Variants in GTF2H1 observed in about 807,000 individuals in gnomAD.
GTF2H1 encodes the protein BTF2 p62.
GTF2H1 carries 16 observed loss-of-function variants against 71.2 expected under a neutral mutation model. The observed-to-expected ratio is 0.22, with a 90% CI of 0.15 to 0.34. The LOEUF (loss-of-function observed/expected upper bound fraction) is 0.34. Ranked by LOEUF, GTF2H1 falls within the 10% of genes least tolerant of loss-of-function variation. GTF2H1 has a pLI of 1.00. For missense variants in GTF2H1, 498 were observed against 648.2 expected, an observed-to-expected ratio of 0.77 and a Z score of 2.52; for synonymous variants, 215 against 219.0, an observed-to-expected ratio of 0.98 and a Z score of 0.16.
intron 2 of GTF2H1, chr11:18,333,438 T>C: frequency 1.0e-5 from 4 of 385,260 alleles, no homozygotes; most frequent in South Asian, 5.6e-5. Flanking sequence ...TATGTAAATC[T>C]ACCTGACATA....
At chr11:18,360,268 G>A (rs533379984) in intron 13 of GTF2H1, among the ~76,000 whole-genome samples, 1 of 152,130 alleles carries the variant, frequency 6.6e-6, no homozygotes, top group Non-Finnish European at 1.5e-5. Context: ...GACTACAGGC[G>A]TGTGCCACCA....
chr11:18,365,386 A>G (rs1865798229), intron 14 of GTF2H1, among the ~76,000 whole-genome samples: 1 of 152,100 alleles, frequency 6.6e-6, no homozygotes. Context: ...TCAAAAAATA[A>G]AATAAAATAA....
chr11:18,346,492 C>G (rs1233245365), intron 7 of GTF2H1, among the ~76,000 whole-genome samples: 1 of 152,154 alleles, frequency 6.6e-6, no homozygotes, highest in Non-Finnish European at 1.5e-5. Context: ...TTCCCACTAA[C>G]TAGTATTTAA....
At chr11:18,334,921 G>A (rs925997536) in intron 2 of GTF2H1, among the ~76,000 whole-genome samples, 1 of 152,024 alleles carries the variant, frequency 6.6e-6, no homozygotes, top group African/African-American at 2.4e-5. Flanking sequence ...GGTTGTCTCA[G>A]TAATGTTTAT....
intron 14 of GTF2H1, 39 bp downstream of exon 14, chr11:18,360,746 C>T: frequency 9.9e-7 from 1 of 1,010,842 alleles, no homozygotes; most frequent in Non-Finnish European, 1.5e-6. Flanking sequence ...TCTTCTTTCT[C>T]TTTGTAGTAA....
At chr11:18,336,040 C>A (rs568824830) in intron 3 of GTF2H1, 94 bp downstream of exon 3, 2 of 883,376 alleles carry the variant, frequency 2.3e-6, no homozygotes, top group Admixed American at 3.3e-5. Flanking sequence ...CACGTTTTTT[C>A]GGTTTTGGTT....
chr11:18,355,345 G>A (rs867285524), intron 11 of GTF2H1, among the ~76,000 whole-genome samples: 9 of 151,364 alleles, frequency 5.9e-5, no homozygotes, highest in African/African-American at 1.7e-4. Flanking sequence ...GGGTTTCACC[G>A]TGTTAGCCAG....
chr11:18,352,052 A>C (rs191377467), intron 10 of GTF2H1, 83 bp downstream of exon 10: 1 of 764,344 alleles, frequency 1.3e-6, no homozygotes, highest in East Asian at 2.5e-5. Flanking sequence ...CTCATGTTTT[A>C]ATCAGTTCGT....
chr11:18,338,173 A>G lies in GTF2H1; in HGVS notation c.412A>G (p.Ser138Gly), dbSNP rs895141002. The G allele has an allele frequency of 5.0e-6, 8 of 1,607,176 alleles. No homozygotes were observed. Among genetic ancestry groups the G allele is most frequent in the South Asian group, 1.1e-5 (1 of 90,972 alleles). The change falls in exon 4 of 15, where the codon AGT (serine) becomes GGT (glycine). Residue 138 changes from serine (S) to glycine (G), a missense_variant. By Grantham distance (56) the Ser-to-Gly change is moderately conservative. Coordinates refer to ENST00000265963, the MANE Select transcript of GTF2H1 (RefSeq NM_005316.4). ...YKDLVVSQVI[S>G]AEEFWANRLN... is the part of the protein sequence containing the mutation. ...AGACCTTGTTGTGAGTCAAGTGATC[A>G]GTGCTGAGGAATTCTGGGCCAATCG...
At position 18,356,787 on chromosome 11, in the gene GTF2H1, GTTTTT is replaced by G. The variant is rs34873148; in HGVS notation, c.1261-1150_1261-1146del. ...TTTTTTTACACTGTAGTCAATCTTT[GTTTTT>G]TTTTTTTTTTTTTTGCAGTCAGGGT... On this transcript the variant is annotated intron_variant, in intron 11 of 14. Transcript: ENST00000265963. Among the ~76,000 whole-genome samples, 75 of 113,018 alleles carry G rather than the reference GTTTTT, an allele frequency of 6.6e-4. 2 individuals are homozygous for G. Among genetic ancestry groups the G allele is most frequent in the African/African-American group, 2.4e-3 (73 of 30,222 alleles). 74.1% of individuals were successfully genotyped at this position (113,018 alleles called of 152,430 possible).
At position 18,346,950 on chromosome 11, in the gene GTF2H1, G is replaced by A. The variant is rs761032312; in HGVS notation, c.838-638G>A. Among the ~76,000 whole-genome samples, 232 of 149,986 alleles carry A rather than the reference G, an allele frequency of 1.5e-3. 4 individuals carry two copies. The highest frequency in any genetic ancestry group is 1.9e-3 in the Non-Finnish European group (125 of 67,440). On this transcript the variant is annotated intron_variant, in intron 7 of 14. Transcript: ENST00000265963. ...AGATGAGGTTTCACCATGTTGGCCG[G>A]GCTAGTTTTGAACTCCTGACCTCAG...
At chr11:18,327,641 C>G (rs1416745880) in intron 1 of GTF2H1, among the ~76,000 whole-genome samples, 8 of 152,188 alleles carry the variant, frequency 5.3e-5, no homozygotes, top group Non-Finnish European at 1.2e-4. Flanking sequence ...CTCTGTCACC[C>G]AGACTGGAGT....
rs974499888 is a variant in GTF2H1, at chr11:18,341,426, T to C, written c.757+16T>C. ...GATGAAAAAGGTAACTGTTTATCTCTGATAGACACTGGTATTTAACTTGCC... is the reference window on the plus strand; with the variant it reads ...GATGAAAAAGGTAACTGTTTATCTCCGATAGACACTGGTATTTAACTTGCC... On this transcript the variant is annotated intron_variant, in intron 6 of 14. Transcript: ENST00000265963. 15 of 1,611,414 alleles carry C rather than the reference T, an allele frequency of 9.3e-6. No homozygotes were observed. Among genetic ancestry groups the C allele is most frequent in the Non-Finnish European group, 1.3e-5 (15 of 1,178,134 alleles).
chr11:18,323,356 G>A (rs181044182), intron 1 of GTF2H1, among the ~76,000 whole-genome samples: 4 of 152,082 alleles, frequency 2.6e-5, no homozygotes. Flanking sequence ...GAATGCAGTG[G>A]CGTGATAATA....
At chr11:18,360,804 T>A (rs1865677930) in intron 14 of GTF2H1, 97 bp downstream of exon 14, 1 of 692,780 alleles carries the variant, frequency 1.4e-6, no homozygotes, top group Non-Finnish European at 2.5e-6. Context: ...GATACTTAAT[T>A]TTCTTTTTTT....
chr11:18,325,461 T>C (rs1041424473), intron 1 of GTF2H1, among the ~76,000 whole-genome samples: 3 of 152,244 alleles, frequency 2.0e-5, no homozygotes. Context: ...ATGTCATTGA[T>C]ACTTCTTGGA....
intron 2 of GTF2H1, 22 bp from the exon 3 acceptor site, chr11:18,335,732 C>G (rs757533521): frequency 6.3e-7 from 1 of 1,582,020 alleles, no homozygotes; most frequent in Non-Finnish European, 8.7e-7. Context: ...CATCATCTAA[C>G]TGCCCTCATG....
intron 1 of GTF2H1, among the ~76,000 whole-genome samples, chr11:18,328,856 A>G (rs904572261): frequency 4.6e-5 from 7 of 152,086 alleles, no homozygotes; most frequent in Admixed American, 3.9e-4. Flanking sequence ...ATCAAACTAC[A>G]TGCCTTTTTT....
At chr11:18,338,024 T>C in intron 3 of GTF2H1, 85 bp from the exon 4 acceptor site, 1 of 842,326 alleles carries the variant, frequency 1.2e-6, no homozygotes, top group South Asian at 2.0e-5. Flanking sequence ...TTCAATGTTT[T>C]GTGTTGCCAA....
Sources: allele counts gnomAD v4.1 joint callset (sites outside exome capture counted in the v4.1 genomes callset), GRCh38; gene constraint gnomAD v4.1.1; transcripts MANE v1.5; gene names NCBI Gene and HGNC (gene_info 2026-07-23, HGNC 2026-07-21).